Variants in NTM observed in about 807,000 individuals in gnomAD.
NTM encodes the protein IgLON family member 2.
NTM carries 13 observed loss-of-function variants against 42.1 expected under a neutral mutation model. That is an observed-to-expected ratio of 0.31 (90% CI 0.20 to 0.49). The LOEUF (loss-of-function observed/expected upper bound fraction) is 0.49. NTM is among the 20% of genes least tolerant of loss of function. The pLI is 0.99. For missense variants in NTM, 373 were observed against 452.8 expected (o/e 0.82, Z 1.60); for synonymous variants, 187 against 179.2 (o/e 1.04, Z -0.35).
chr11:131,596,336 A>G (rs751256234), intron 1 of NTM, among the ~76,000 whole-genome samples: 1 of 152,210 alleles, frequency 6.6e-6, no homozygotes, highest in Non-Finnish European at 1.5e-5. Context: ...GACAGTGAAT[A>G]TTTTAGGCTT....
chr11:131,557,879 T>C (rs2055668329), intron 1 of NTM, among the ~76,000 whole-genome samples: 1 of 152,138 alleles, frequency 6.6e-6, no homozygotes, highest in Admixed American at 6.5e-5. Context: ...ATCATATAAC[T>C]CACTTTGCAG....
In NTM at chr11:132,161,808, C is replaced by T. The variant is rs137932639; in HGVS notation, c.400+15294C>T. On this transcript the variant is annotated intron_variant, in intron 3 of 8. Transcript: ENST00000683400. ...GCTGGGCTGCTTCTCCACGGAAGGT[C>T]CCCATGGGTTTCGCCTCCAACACTC... 3.6e-3 allele frequency among the ~76,000 whole-genome samples: 554 copies of T among 152,300 alleles called. 4 individuals are homozygous for T. The highest frequency in any genetic ancestry group is 0.013 in the African/African-American group (529 of 41,552).
At position 131,491,192 on chromosome 11, in the gene NTM, C is replaced by G. The variant is rs138604898; in HGVS notation, c.82+120304C>G. The stretch of plus-strand genomic sequence containing the variant: ...TCATGATTTGGGAAGCTGAAAGAAA[C>G]TGTCTTGAGCTATCAATTTAAAAAA... On this transcript the variant is annotated intron_variant, in intron 1 of 8. Coordinates refer to ENST00000683400, the MANE Select transcript of NTM (RefSeq NM_001352005.2). Among the ~76,000 whole-genome samples, 402 of 152,218 alleles carry G rather than the reference C, an allele frequency of 2.6e-3. 2 individuals are homozygous for G. The highest frequency in any genetic ancestry group is 8.4e-3 in the African/African-American group (351 of 41,540).
chr11:131,598,873 CTTCTTCCTTCCTTCCTTCCTTCCT>C (rs2060191223), intron 1 of NTM, among the ~76,000 whole-genome samples: 1 of 23,178 alleles, frequency 4.3e-5, no homozygotes, highest in African/African-American at 1.1e-4. Flanking sequence ...TCCTTCCTTC[CTTCTTCCTTCCTTCCTTCCTTCCT>C]TCCTTCCTTC....
intron 2 of NTM, among the ~76,000 whole-genome samples, chr11:131,937,214 ACC>A (rs1424119509): frequency 6.6e-6 from 1 of 152,180 alleles, no homozygotes; most frequent in African/African-American, 2.4e-5. Flanking sequence ...TTTTCTTAAT[ACC>A]CTCTTAGCAG....
At chr11:132,282,485 CT>C (rs781505821) in intron 4 of NTM, among the ~76,000 whole-genome samples, 2 of 152,136 alleles carry the variant, frequency 1.3e-5, no homozygotes, top group Non-Finnish European at 1.5e-5. Context: ...TCCCAGCCCC[CT>C]CCTCAAATAG....
chr11:131,526,673 G>A (rs2050532492), intron 1 of NTM, among the ~76,000 whole-genome samples: 2 of 152,186 alleles, frequency 1.3e-5, no homozygotes, highest in African/African-American at 2.4e-5. Context: ...TAACAGGTGA[G>A]CTGCTTAAAA....
chr11:131,417,880 G>C (rs1246243088), intron 1 of NTM, among the ~76,000 whole-genome samples: 1 of 152,178 alleles, frequency 6.6e-6, no homozygotes, highest in African/African-American at 2.4e-5. Context: ...AAGTCCCTTT[G>C]GCAGTGTAAG....
intron 1 of NTM, among the ~76,000 whole-genome samples, chr11:131,557,606 G>T (rs1310396832): frequency 6.6e-6 from 1 of 152,130 alleles, no homozygotes; most frequent in Non-Finnish European, 1.5e-5. Context: ...AAATTAATAT[G>T]ACTATGCTGT....
At chr11:131,460,119 A>G (rs913319241) in intron 1 of NTM, among the ~76,000 whole-genome samples, 1 of 152,216 alleles carries the variant, frequency 6.6e-6, no homozygotes, top group Non-Finnish European at 1.5e-5. Flanking sequence ...GTCCAGAACA[A>G]ACTTTATTTC....
intron 1 of NTM, among the ~76,000 whole-genome samples, chr11:131,600,641 A>T (rs2060397379): frequency 6.6e-6 from 1 of 152,182 alleles, no homozygotes; most frequent in South Asian, 2.1e-4. Context: ...ATAATGGGGA[A>T]TGTAAATATC....
chr11:131,805,855 T>G (rs1209903818), intron 1 of NTM, among the ~76,000 whole-genome samples: 2 of 152,224 alleles, frequency 1.3e-5, no homozygotes, highest in East Asian at 1.9e-4. Context: ...AGCAAACAGA[T>G]TTAGAAAGCT....
intron 4 of NTM, among the ~76,000 whole-genome samples, chr11:132,217,499 G>A (rs371837920): frequency 5.3e-5 from 8 of 151,794 alleles, no homozygotes; most frequent in African/African-American, 1.9e-4. Context: ...AGGTGGGTTA[G>A]AGATCAAAAG....
chr11:131,883,931 A>G (rs1240192506), intron 1 of NTM, among the ~76,000 whole-genome samples: 1 of 152,180 alleles, frequency 6.6e-6, no homozygotes, highest in Non-Finnish European at 1.5e-5. Flanking sequence ...AAAGGGATGC[A>G]TGTTTGTGTG....
chr11:131,578,855 T>G (rs2058153748), intron 1 of NTM, among the ~76,000 whole-genome samples: 1 of 152,168 alleles, frequency 6.6e-6, no homozygotes, highest in Non-Finnish European at 1.5e-5. Context: ...ATACATTACT[T>G]CTTGTGAAGA....
chr11:131,961,934 G>T (rs2062226332), intron 2 of NTM, among the ~76,000 whole-genome samples: 2 of 152,142 alleles, frequency 1.3e-5, no homozygotes, highest in Admixed American at 1.3e-4. Flanking sequence ...CCACATCTAG[G>T]ATGATGATGG....
At chr11:132,108,327 T>A (rs1451312637) in intron 2 of NTM, among the ~76,000 whole-genome samples, 2 of 152,154 alleles carry the variant, frequency 1.3e-5, no homozygotes. Flanking sequence ...GATACTCTGT[T>A]CTCCAAAAGA....
chr11:131,929,066 C>G (rs1193211812), intron 2 of NTM, among the ~76,000 whole-genome samples: 1 of 152,242 alleles, frequency 6.6e-6, no homozygotes, highest in Non-Finnish European at 1.5e-5. Context: ...CCCTGAGACT[C>G]GAGAAGACAA....
Position 131,546,184 on chromosome 11 carries a change from A to G in NTM, c.82+175296A>G, listed in dbSNP as rs2136860292. Among the ~76,000 whole-genome samples, 3 of 152,296 alleles carry G rather than the reference A, an allele frequency of 2.0e-5. No homozygotes were observed. In the South Asian group the frequency reaches 6.2e-4, roughly 32 times the overall value. ...TGAAGCGGGGCAATTGCATGCTTCA[A>G]GTTTTGTGACTGAAGCTTTGTTTCC... On this transcript the variant is annotated intron_variant, in intron 1 of 8. Transcript: ENST00000683400.
Sources: gnomAD v4.1 joint callset for allele counts (sites outside exome capture counted in the v4.1 genomes callset) on GRCh38, gnomAD v4.1.1 for gene constraint, MANE v1.5 for transcripts, NCBI Gene and HGNC (gene_info 2026-07-23, HGNC 2026-07-21) for gene names.